Variants in GPHN observed in about 807,000 individuals in gnomAD.
GPHN encodes gephyrin.
GPHN carries 17 observed loss-of-function variants against 95.5 expected under a neutral mutation model. That is an observed-to-expected ratio of 0.18 (90% CI 0.12 to 0.27). GPHN has a LOEUF of 0.27. Ranked by LOEUF, GPHN falls within the 10% of genes least tolerant of loss-of-function variation. The pLI, the probability that GPHN is intolerant of heterozygous loss-of-function variation, is 1.00. For missense variants in GPHN, 660 were observed against 978.1 expected (o/e 0.67, Z 4.34); for synonymous variants, 320 against 322.5 (o/e 0.99, Z 0.08).
At chr14:66,734,758 GAC>G (rs915666734) in intron 2 of GPHN, among the ~76,000 whole-genome samples, 1 of 152,052 alleles carries the variant, frequency 6.6e-6, no homozygotes, top group Non-Finnish European at 1.5e-5. Context: ...ATTAATAATT[GAC>G]AGTTGATGAT....
At chr14:66,822,285 T>C (rs2061226090) in intron 3 of GPHN, among the ~76,000 whole-genome samples, 2 of 152,216 alleles carry the variant, frequency 1.3e-5, no homozygotes, top group Non-Finnish European at 2.9e-5. Context: ...TTTTTGGGCC[T>C]ACCCAACTAT....
At chr14:67,348,719 A>T in the GPHN span, 8 of 210,712 alleles carry the variant, frequency 3.8e-5, no homozygotes, top group Non-Finnish European at 6.7e-5. Context: ...ATGGGGTTTC[A>T]CCATGTTGGC....
chr14:67,549,395 C>T, the GPHN span, among the ~76,000 whole-genome samples: 1 of 152,064 alleles, frequency 6.6e-6, no homozygotes, highest in East Asian at 1.9e-4. Flanking sequence ...CTCAGCCTCC[C>T]GAGTAGCTGG....
the GPHN span, chr14:67,579,285 G>A: frequency 1.0e-4 from 156 of 1,562,210 alleles, no homozygotes; most frequent in Non-Finnish European, 4.4e-5. Flanking sequence ...CAGCATCCCC[G>A]TGCACTTTAC....
chr14:66,623,089 A>C (rs535223958), intron 1 of GPHN, among the ~76,000 whole-genome samples: 1 of 152,306 alleles, frequency 6.6e-6, no homozygotes, highest in East Asian at 1.9e-4. Context: ...ACAGTTCTTC[A>C]TGACTGGGGA....
At chr14:66,535,199 A>T (rs1389373428) in intron 1 of GPHN, among the ~76,000 whole-genome samples, 1 of 152,150 alleles carries the variant, frequency 6.6e-6, no homozygotes, top group Non-Finnish European at 1.5e-5. Context: ...AAAATAAAAC[A>T]TAGGATATTC....
At chr14:66,829,233 G>A (rs889475733) in intron 4 of GPHN, among the ~76,000 whole-genome samples, 2 of 151,608 alleles carry the variant, frequency 1.3e-5, no homozygotes, top group African/African-American at 4.8e-5. Flanking sequence ...AATTACAGGC[G>A]TGCACCACCA....
chr14:66,660,049 AT>A (rs1302161457), intron 1 of GPHN, among the ~76,000 whole-genome samples: 2 of 151,930 alleles, frequency 1.3e-5, no homozygotes, highest in Non-Finnish European at 2.9e-5. Flanking sequence ...TTATTTATAA[AT>A]ATTTTTAATG....
At chr14:66,905,567 G>A (rs886732243) in intron 5 of GPHN, among the ~76,000 whole-genome samples, 2 of 151,950 alleles carry the variant, frequency 1.3e-5, no homozygotes, top group African/African-American at 4.8e-5. Context: ...GCTTTTTTGT[G>A]TTTGTTTTTT....
intron 2 of GPHN, among the ~76,000 whole-genome samples, chr14:66,693,501 T>C (rs145435301): frequency 6.6e-6 from 1 of 152,176 alleles, no homozygotes; most frequent in East Asian, 1.9e-4. Flanking sequence ...CATGCAGTTA[T>C]GGAGGCTGAG....
At chr14:66,826,696 C>T (rs1461448781) in intron 4 of GPHN, among the ~76,000 whole-genome samples, 1 of 152,158 alleles carries the variant, frequency 6.6e-6, no homozygotes, top group Non-Finnish European at 1.5e-5. Context: ...TTAGGAATAG[C>T]CAAATGCAGG....
chr14:66,652,928 C>T (rs1349380540), intron 1 of GPHN, among the ~76,000 whole-genome samples: 5 of 152,190 alleles, frequency 3.3e-5, no homozygotes, highest in Non-Finnish European at 5.9e-5. Context: ...TATTCACAAC[C>T]TCCTGCATTC....
chr14:66,780,282 A>G (rs2059558183), intron 3 of GPHN, among the ~76,000 whole-genome samples: 1 of 152,172 alleles, frequency 6.6e-6, no homozygotes, highest in South Asian at 2.1e-4. Context: ...CAGAAGAGAG[A>G]CACAATCTAG....
chr14:67,277,281 AAGAC>A, the GPHN span, among the ~76,000 whole-genome samples: 1 of 152,162 alleles, frequency 6.6e-6, no homozygotes, highest in Non-Finnish European at 1.5e-5. Context: ...ATTTGGATGA[AAGAC>A]AGAAAAATCT....
the GPHN span, among the ~76,000 whole-genome samples, chr14:67,635,585 G>A: frequency 2.0e-5 from 3 of 152,178 alleles, no homozygotes; most frequent in South Asian, 2.1e-4. Context: ...CGGGCACGGC[G>A]GCTCACACCT....
the GPHN span, among the ~76,000 whole-genome samples, chr14:67,620,378 A>G: frequency 4.9e-4 from 74 of 151,828 alleles, no homozygotes; most frequent in African/African-American, 1.7e-3. Context: ...AGCTTGGGGT[A>G]ATGGAGGGGA....
At chr14:67,128,777 A>G (rs930070580) in intron 17 of GPHN, among the ~76,000 whole-genome samples, 1 of 151,866 alleles carries the variant, frequency 6.6e-6, no homozygotes, top group Non-Finnish European at 1.5e-5. Flanking sequence ...TCTACTAAAA[A>G]TACAAAAATT....
chr14:66,918,600 G>A (rs927305870), intron 6 of GPHN, among the ~76,000 whole-genome samples: 1 of 152,118 alleles, frequency 6.6e-6, no homozygotes, highest in Non-Finnish European at 1.5e-5. Context: ...AATTAATGGG[G>A]AGAGAGGGAG....
intron 9 of GPHN, among the ~76,000 whole-genome samples, chr14:66,996,655 A>C (rs1244018058): frequency 6.6e-6 from 1 of 152,224 alleles, no homozygotes; most frequent in African/African-American, 2.4e-5. Flanking sequence ...CCACAGACAT[A>C]GGAAAACATC....
Sources: gnomAD v4.1 joint callset for allele counts (sites outside exome capture counted in the v4.1 genomes callset) on GRCh38, gnomAD v4.1.1 for gene constraint, MANE v1.5 for transcripts, NCBI Gene and HGNC (gene_info 2026-07-23, HGNC 2026-07-21) for gene names.